Variants in BMPR2 observed in about 807,000 individuals in gnomAD.
BMPR2 encodes bone morphogenetic protein receptor type 2.
In BMPR2, 29 loss-of-function variants were observed where a neutral mutation model predicts 100.8. The ratio of observed to expected loss-of-function variants is 0.29; its 90% confidence interval spans 0.21 to 0.39. The LOEUF is 0.39. Among genes scored for constraint, BMPR2 ranks in the 10% least tolerant of loss-of-function variants. The pLI, the probability that BMPR2 is intolerant of heterozygous loss-of-function variation, is 1.00. For synonymous variants in BMPR2, 382 were observed against 442.3 expected, an observed-to-expected ratio of 0.86 and a Z score of 1.71; for missense variants, 1,011 against 1,274.5, an observed-to-expected ratio of 0.79 and a Z score of 3.15.
chr2:202,415,876 A>T (rs191510716), intron 1 of BMPR2, among the ~76,000 whole-genome samples: 1 of 152,248 alleles, frequency 6.6e-6, no homozygotes, highest in South Asian at 2.1e-4. Flanking sequence ...GTAAGACAAC[A>T]TCCATTCTGC....
intron 1 of BMPR2, among the ~76,000 whole-genome samples, chr2:202,382,280 G>A (rs999061719): frequency 6.6e-6 from 1 of 151,918 alleles, no homozygotes; most frequent in Non-Finnish European, 1.5e-5. Context: ...GGCCGGTCTC[G>A]AACTCCTGAT....
At position 202,563,128 on chromosome 2, in the gene BMPR2, G is replaced by A. The variant is rs576311943; in HGVS notation, c.*3182G>A. The A allele has an allele frequency of 6.6e-6, 1 of 152,196 alleles. No individual in the cohort carries two copies. The highest frequency in any genetic ancestry group is 2.1e-4 in the South Asian group (1 of 4,820). The allele number at this position is 152,196 out of a possible 1,614,324, so 9.4% of individuals were successfully genotyped here. ...TGCCATATGACAGGATGTGTAATGGGCTAACGTTTATTTAAAAAGTTCAGG... is the reference window on the plus strand; with the variant it reads ...TGCCATATGACAGGATGTGTAATGGACTAACGTTTATTTAAAAAGTTCAGG... On this transcript the variant is annotated 3_prime_UTR_variant, in exon 13 of 13. Coordinates refer to ENST00000374580, the MANE Select transcript of BMPR2 (RefSeq NM_001204.7).
intron 1 of BMPR2, among the ~76,000 whole-genome samples, chr2:202,427,768 A>G (rs1219301958): frequency 5.3e-5 from 8 of 152,108 alleles, no homozygotes. Context: ...GCTTGAGCTC[A>G]GGAGTTTGAG....
chr2:202,522,992 G>A (rs1687845767), intron 7 of BMPR2, among the ~76,000 whole-genome samples: 1 of 152,046 alleles, frequency 6.6e-6, no homozygotes, highest in South Asian at 2.1e-4. Flanking sequence ...TCCAACAAAG[G>A]TCTAATATCC....
At chr2:202,530,291 A>T (rs1226289632) in intron 7 of BMPR2, among the ~76,000 whole-genome samples, 2 of 152,218 alleles carry the variant, frequency 1.3e-5, no homozygotes, top group Non-Finnish European at 1.5e-5. Flanking sequence ...GTTAGATTTG[A>T]AAAGCTGAGG....
chr2:202,499,972 A>G lies in BMPR2; in HGVS notation c.419-13747A>G, dbSNP rs1243001984. 2.6e-5 allele frequency among the ~76,000 whole-genome samples: 4 copies of G among 152,214 alleles called. No individual in the cohort carries two copies. In the East Asian group the frequency reaches 5.8e-4, roughly 22 times the overall value. ...TTTAAAAAAGATTGTCCAATGAGAAAGAAGCTGCCCCCTCATCCATGTCCA... is the reference window on the plus strand; with the variant it reads ...TTTAAAAAAGATTGTCCAATGAGAAGGAAGCTGCCCCCTCATCCATGTCCA... On this transcript the variant is annotated intron_variant, in intron 3 of 12. Transcript: ENST00000374580.
At chr2:202,383,835 G>GGC (rs1482493311) in intron 1 of BMPR2, among the ~76,000 whole-genome samples, 1 of 149,968 alleles carries the variant, frequency 6.7e-6, no homozygotes, top group African/African-American at 2.5e-5. Flanking sequence ...TGGGTGACAG[G>GGC]GCGAGACTCC....
At chr2:202,542,185 G>GAT in intron 9 of BMPR2, 126 bp from the exon 10 acceptor site, 1 of 1,088,806 alleles carries the variant, frequency 9.2e-7, no homozygotes, top group Non-Finnish European at 1.4e-6. Context: ...GCCTGAAGGG[G>GAT]ATGAAAAAAT....
In BMPR2 at chr2:202,542,016, C is replaced by T. The variant is rs10201307; in HGVS notation, c.1277-295C>T. The stretch of plus-strand genomic sequence containing the variant: ...ATCCAAGCTACTCGGGAGGCTGAGG[C>T]GAGAGAATCACTTGAACCCGGGAGG... On this transcript the variant is annotated intron_variant, in intron 9 of 12. Transcript: ENST00000374580. Among the ~76,000 whole-genome samples, 7,417 of 151,186 alleles carry T rather than the reference C, an allele frequency of 0.049. 599 individuals carry two copies. The highest frequency in any genetic ancestry group is 0.17 in the African/African-American group (6,952 of 41,132).
chr2:202,392,146 C>G (rs1269852995), intron 1 of BMPR2, among the ~76,000 whole-genome samples: 1 of 151,734 alleles, frequency 6.6e-6, no homozygotes, highest in Non-Finnish European at 1.5e-5. Context: ...TCTTGGCTCA[C>G]TGCGACCTCC....
rs151062026 is a variant in BMPR2 at position 202,378,414 on chromosome 2, G to A, written c.76+864G>A. 3.8e-3 allele frequency among the ~76,000 whole-genome samples: 583 copies of A among 152,190 alleles called. 5 individuals carry two copies. Among genetic ancestry groups the A allele is most frequent in the African/African-American group, 0.012 (490 of 41,520 alleles). On this transcript the variant is annotated intron_variant, in intron 1 of 12. Transcript: ENST00000374580. Reference sequence around the variant, plus strand: ...ATTCTACATATAACTCGTACACTTGGTTTATGATGGGCAAATGGATTGTGC... The same window carrying A: ...ATTCTACATATAACTCGTACACTTGATTTATGATGGGCAAATGGATTGTGC...
At chr2:202,535,680 G>C (rs1292603843) in intron 9 of BMPR2, among the ~76,000 whole-genome samples, 2 of 152,074 alleles carry the variant, frequency 1.3e-5, no homozygotes, top group Admixed American at 1.3e-4. Flanking sequence ...TCCCAGACGG[G>C]GTGGCGGCCG....
rs1691836040 is a variant in BMPR2, at chr2:202,445,745, C to A, written c.77-19064C>A. 6.7e-5 allele frequency among the ~76,000 whole-genome samples: 10 copies of A among 149,410 alleles called. No individual in the cohort carries two copies. The South Asian group carries it at 2.1e-3, about 31-fold the overall frequency. On this transcript the variant is annotated intron_variant, in intron 1 of 12. Transcript: ENST00000374580. ...AAAGTGTTGCAATTGCAGGCATAAG[C>A]CACCATGCCTAGCCCTACAAACATA...
intron 1 of BMPR2, among the ~76,000 whole-genome samples, chr2:202,422,389 C>T (rs1228417704): frequency 2.0e-5 from 3 of 152,124 alleles, no homozygotes; most frequent in African/African-American, 4.8e-5. Flanking sequence ...TCACTGCAAA[C>T]TCCGCCTCCC....
intron 1 of BMPR2, among the ~76,000 whole-genome samples, chr2:202,387,191 T>C (rs749137122): frequency 1.3e-5 from 2 of 152,224 alleles, no homozygotes; most frequent in Non-Finnish European, 2.9e-5. Flanking sequence ...AAATTAAATA[T>C]TTTAGAAGAG....
In BMPR2 at chr2:202,399,341, A is replaced by G. The variant is rs1299545124; in HGVS notation, c.76+21791A>G. Among the ~76,000 whole-genome samples, 3 of 152,180 alleles carry G rather than the reference A, an allele frequency of 2.0e-5. No individual in the cohort carries two copies. The East Asian group carries it at 5.8e-4, about 29-fold the overall frequency. On this transcript the variant is annotated intron_variant, in intron 1 of 12. Transcript: ENST00000374580. ...TAATTGCAGGAAAAACATTCCAGGT[A>G]GAAGAACAGAAAGTGTAAAGGCTAG...
At chr2:202,455,938 G>A (rs1435133501) in intron 1 of BMPR2, among the ~76,000 whole-genome samples, 2 of 150,506 alleles carry the variant, frequency 1.3e-5, no homozygotes, top group African/African-American at 2.4e-5. Context: ...GGTGGTGGGC[G>A]CCTGTAGTCC....
chr2:202,421,824 T>C (rs1691268991), intron 1 of BMPR2, among the ~76,000 whole-genome samples: 1 of 151,818 alleles, frequency 6.6e-6, no homozygotes, highest in African/African-American at 2.4e-5. Context: ...TTTTTTAATG[T>C]GGGATGGGTT....
chr2:202,438,628 T>G (rs1279382408), intron 1 of BMPR2, among the ~76,000 whole-genome samples: 1 of 150,680 alleles, frequency 6.6e-6, no homozygotes, highest in Admixed American at 6.6e-5. Context: ...TTTCAGTTAA[T>G]TTTTGCTTAT....
Sources: gnomAD v4.1 joint callset for allele counts (sites outside exome capture counted in the v4.1 genomes callset) on GRCh38, gnomAD v4.1.1 for gene constraint, MANE v1.5 for transcripts, NCBI Gene and HGNC (gene_info 2026-07-23, HGNC 2026-07-21) for gene names.